Variants in EPHA5 observed in about 807,000 individuals in gnomAD.
EPHA5 encodes EPH receptor A5, also known as ephrin type-A receptor 5.
EPHA5 carries 60 observed loss-of-function variants against 105.0 expected under a neutral mutation model. The ratio of observed to expected loss-of-function variants is 0.57; its 90% confidence interval spans 0.46 to 0.71. EPHA5 has a LOEUF of 0.71. EPHA5 is among the 30% of genes least tolerant of loss of function. The pLI, the probability that EPHA5 is intolerant of heterozygous loss-of-function variation, is 0.00. For missense variants in EPHA5, 1,218 were observed against 1,274.7 expected, an observed-to-expected ratio of 0.96 and a Z score of 0.68; for synonymous variants, 513 against 449.1, an observed-to-expected ratio of 1.14 and a Z score of -1.80.
chr4:65,429,321 G>A (rs1724758183), intron 5 of EPHA5, among the ~76,000 whole-genome samples: 1 of 151,966 alleles, frequency 6.6e-6, no homozygotes, highest in East Asian at 1.9e-4. Flanking sequence ...CTTCCATTAT[G>A]GAATACTGCA....
intron 10 of EPHA5, among the ~76,000 whole-genome samples, chr4:65,365,619 A>G (rs939610034): frequency 7.2e-6 from 1 of 139,124 alleles, no homozygotes; most frequent in Admixed American, 7.5e-5. Context: ...GAACTGAATT[A>G]CATAAATACT....
intron 16 of EPHA5, chr4:65,331,053 C>T: frequency 9.6e-7 from 1 of 1,042,990 alleles, no homozygotes; most frequent in African/African-American, 1.7e-5. Context: ...GCTCAATGTT[C>T]ATATCATGTG....
intron 5 of EPHA5, among the ~76,000 whole-genome samples, 183 bp downstream of exon 5, chr4:65,490,194 C>T (rs888170779): frequency 2.0e-5 from 3 of 152,094 alleles, no homozygotes; most frequent in Non-Finnish European, 2.9e-5. Context: ...GGATTGCTAA[C>T]AAAGCTTTAA....
intron 11 of EPHA5, among the ~76,000 whole-genome samples, chr4:65,364,245 A>T (rs1239950079): frequency 6.6e-6 from 1 of 151,696 alleles, no homozygotes; most frequent in Non-Finnish European, 1.5e-5. Flanking sequence ...GATTTCGGTA[A>T]CTTATGTGTG....
chr4:65,605,460 C>T (rs1744136490), intron 2 of EPHA5, among the ~76,000 whole-genome samples: 1 of 152,044 alleles, frequency 6.6e-6, no homozygotes, highest in South Asian at 2.1e-4. Context: ...GCCTATACAT[C>T]GTTTTTTCAT....
Position 65,322,413 on chromosome 4 carries a change from A to G in EPHA5, c.*1701T>C, listed in dbSNP as rs1719707044. 1 of 225,724 alleles carries G rather than the reference A, an allele frequency of 4.4e-6. No homozygotes were observed. Among genetic ancestry groups the G allele is most frequent in the African/African-American group, 2.2e-5 (1 of 44,914 alleles). The allele number at this position is 225,724 out of a possible 1,614,324, so 14.0% of individuals were successfully genotyped here. ...TATTTCTGATAAATTTCATTAATCC[A>G]GGCTTCTCTGATCTACTGTACTATT... On this transcript the variant is annotated 3_prime_UTR_variant, in exon 17 of 17. Transcript: ENST00000613740.
chr4:65,472,858 C>A (rs569827406), intron 5 of EPHA5, among the ~76,000 whole-genome samples: 5 of 152,360 alleles, frequency 3.3e-5, no homozygotes, highest in Admixed American at 6.5e-5. Context: ...TTGCAATTAA[C>A]ATCGAGTTCC....
At chr4:65,666,921 A>G (rs1261594355) in intron 1 of EPHA5, among the ~76,000 whole-genome samples, 1 of 152,184 alleles carries the variant, frequency 6.6e-6, no homozygotes, top group Non-Finnish European at 1.5e-5. Flanking sequence ...ATATACACTT[A>G]CATTTATTCT....
chr4:65,569,073 G>T (rs1047186759), intron 3 of EPHA5, among the ~76,000 whole-genome samples: 12 of 151,176 alleles, frequency 7.9e-5, no homozygotes, highest in Non-Finnish European at 1.8e-4. Flanking sequence ...ATGCAAACAT[G>T]CCATTGCAAA....
chr4:65,634,508 A>G (rs1310376386), intron 2 of EPHA5, among the ~76,000 whole-genome samples: 1 of 152,076 alleles, frequency 6.6e-6, no homozygotes, highest in Non-Finnish European at 1.5e-5. Context: ...TTTGTCTTCT[A>G]TACTTCAGTG....
chr4:65,586,416 C>A (rs1326217694), intron 3 of EPHA5, among the ~76,000 whole-genome samples: 1 of 151,352 alleles, frequency 6.6e-6, no homozygotes, highest in East Asian at 1.9e-4. Context: ...ATAATTAGTT[C>A]TTTTTATATC....
intron 3 of EPHA5, among the ~76,000 whole-genome samples, chr4:65,576,656 G>A (rs1419768540): frequency 6.6e-6 from 1 of 152,158 alleles, no homozygotes; most frequent in African/African-American, 2.4e-5. Context: ...TCTTCCTCCA[G>A]TTACATATAT....
intron 16 of EPHA5, among the ~76,000 whole-genome samples, chr4:65,328,587 TC>T (rs1221681775): frequency 6.6e-6 from 1 of 151,146 alleles, no homozygotes; most frequent in African/African-American, 2.4e-5. Context: ...TAATGAATAT[TC>T]CCCAAACTTC....
chr4:65,509,303 T>C (rs1733371500), intron 3 of EPHA5, among the ~76,000 whole-genome samples: 1 of 152,158 alleles, frequency 6.6e-6, no homozygotes, highest in Non-Finnish European at 1.5e-5. Flanking sequence ...CATAGTATTA[T>C]ATATTATTTA....
chr4:65,656,640 G>T (rs1221927155), intron 1 of EPHA5, among the ~76,000 whole-genome samples: 5 of 148,168 alleles, frequency 3.4e-5, no homozygotes, highest in Middle Eastern at 3.6e-3. Context: ...TTGAGAAAGG[G>T]TCTCCCTCTG....
chr4:65,353,199 G>GTA (rs139336386), intron 11 of EPHA5, 96 bp from the exon 12 acceptor site: 44,358 of 228,838 alleles, frequency 0.19, 4,739 homozygotes, highest in Admixed American at 0.29. Context: ...TGTCAAAATT[G>GTA]TATATATATA....
chr4:65,561,903 A>T (rs541317315), intron 3 of EPHA5, among the ~76,000 whole-genome samples: 1 of 152,206 alleles, frequency 6.6e-6, no homozygotes, highest in South Asian at 2.1e-4. Context: ...ATACAGAAGA[A>T]TTTGTCTAGA....
intron 8 of EPHA5, among the ~76,000 whole-genome samples, chr4:65,378,878 A>C (rs2148924716): frequency 6.6e-6 from 1 of 152,004 alleles, no homozygotes; most frequent in African/African-American, 2.4e-5. Flanking sequence ...ACTAACAATA[A>C]AATTACCTCA....
At chr4:65,599,081 G>C (rs1481823330) in intron 3 of EPHA5, among the ~76,000 whole-genome samples, 2 of 151,974 alleles carry the variant, frequency 1.3e-5, no homozygotes, top group African/African-American at 4.8e-5. Context: ...CATTAAATTT[G>C]AAAACAAAGT....
Sources: gnomAD v4.1 joint callset for allele counts (sites outside exome capture counted in the v4.1 genomes callset) on GRCh38, gnomAD v4.1.1 for gene constraint, MANE v1.5 for transcripts, NCBI Gene and HGNC (gene_info 2026-07-23, HGNC 2026-07-21) for gene names.